The following MYO1E variants were observed in gnomAD, a reference collection of about 807,000 sequenced individuals.
MYO1E encodes the protein unconventional myosin-Ie.
In MYO1E, 68 loss-of-function variants were observed where a neutral mutation model predicts 151.1. That is an observed-to-expected ratio of 0.45 (90% CI 0.37 to 0.55). The LOEUF (loss-of-function observed/expected upper bound fraction) is 0.55, where lower values mean the gene tolerates loss of function less well. Ranked by LOEUF, MYO1E falls within the 20% of genes least tolerant of loss-of-function variation. The pLI is 0.00. For missense variants in MYO1E, 1,363 were observed against 1,389.3 expected (o/e 0.98, Z 0.30); for synonymous variants, 601 against 501.7 (o/e 1.20, Z -2.64).
At chr15:59,372,348 GCAGGAAATCAGAGCTCGCGACGT>G in intron 1 of MYO1E, 127 bp downstream of exon 1, 1 of 963,494 alleles carries the variant, frequency 1.0e-6, no homozygotes, top group Non-Finnish European at 1.6e-6. Context: ...ACGGAAAGCG[GCAGGAAATCAGAGCTCGCGACGT>G]GCCGGCTCCC....
intron 1 of MYO1E, among the ~76,000 whole-genome samples, chr15:59,356,275 T>G (rs1270860966): frequency 6.6e-6 from 1 of 152,026 alleles, no homozygotes; most frequent in African/African-American, 2.4e-5. Flanking sequence ...CTCCTCTCTG[T>G]CCTCACCATT....
chr15:59,248,359 G>A (rs901218044), intron 4 of MYO1E, among the ~76,000 whole-genome samples: 27 of 151,064 alleles, frequency 1.8e-4, no homozygotes, highest in Admixed American at 1.7e-3. Context: ...GGTGGTGGGC[G>A]CCTGTAGTCC....
intron 18 of MYO1E, among the ~76,000 whole-genome samples, chr15:59,186,162 A>C (rs1473344368): frequency 6.6e-6 from 1 of 152,170 alleles, no homozygotes; most frequent in East Asian, 1.9e-4. Flanking sequence ...AAAGAGGGTA[A>C]ACCTTGTTCC....
At chr15:59,337,117 C>T (rs1323327400) in intron 1 of MYO1E, among the ~76,000 whole-genome samples, 2 of 152,088 alleles carry the variant, frequency 1.3e-5, no homozygotes, top group Admixed American at 6.5e-5. Context: ...AGCACTTCTA[C>T]TTTATTTCAT....
intron 1 of MYO1E, among the ~76,000 whole-genome samples, chr15:59,315,533 C>T (rs1163358324): frequency 6.7e-6 from 1 of 149,192 alleles, no homozygotes; most frequent in Non-Finnish European, 1.5e-5. Context: ...TGCACATGTA[C>T]CCTAGAACTA....
chr15:59,308,241 AAAAAAAAAAAT>A (rs1456647057), intron 1 of MYO1E, among the ~76,000 whole-genome samples: 4 of 143,662 alleles, frequency 2.8e-5, no homozygotes, highest in Non-Finnish European at 3.1e-5. Flanking sequence ...AAAAAAAAAA[AAAAAAAAAAAT>A]AGGCTGGGCA....
chr15:59,133,574 G>C lies in MYO1E; in HGVS notation c.*3806C>G, dbSNP rs145189427. 6.6e-6 allele frequency: 1 copy of C among 152,262 alleles called. No homozygotes were observed. The highest frequency in any genetic ancestry group is 2.4e-5 in the African/African-American group (1 of 41,534). 9.4% of individuals were successfully genotyped at this position (152,262 alleles called of 1,614,324 possible). On this transcript the variant is annotated 3_prime_UTR_variant, in exon 28 of 28. Transcript: ENST00000288235. Reference sequence around the variant, plus strand: ...GAATAAAACCAAGTTACTAAATCCAGAAAGAACTGCAATCAATCAGCTAGG... The same window carrying C: ...GAATAAAACCAAGTTACTAAATCCACAAAGAACTGCAATCAATCAGCTAGG...
At chr15:59,259,727 T>C (rs1258956698) in intron 3 of MYO1E, among the ~76,000 whole-genome samples, 1 of 152,252 alleles carries the variant, frequency 6.6e-6, no homozygotes, top group Non-Finnish European at 1.5e-5. Context: ...CCTTTGCATG[T>C]CACTCTATAT....
chr15:59,221,317 CAT>C (rs2079954788), intron 9 of MYO1E, among the ~76,000 whole-genome samples: 1 of 151,960 alleles, frequency 6.6e-6, no homozygotes, highest in African/African-American at 2.4e-5. Flanking sequence ...GCCTAAGACA[CAT>C]GTTAAGTGAA....
intron 4 of MYO1E, among the ~76,000 whole-genome samples, chr15:59,240,883 C>T (rs2080095600): frequency 6.6e-6 from 1 of 152,216 alleles, no homozygotes; most frequent in African/African-American, 2.4e-5. Context: ...CCCCCTCTGC[C>T]CCAGTGTGTT....
At chr15:59,292,267 C>T (rs1439615551) in intron 1 of MYO1E, among the ~76,000 whole-genome samples, 1 of 152,168 alleles carries the variant, frequency 6.6e-6, no homozygotes, top group Non-Finnish European at 1.5e-5. Flanking sequence ...TTCAAACACA[C>T]CCAATGGGTG....
intron 24 of MYO1E, among the ~76,000 whole-genome samples, chr15:59,160,338 TG>T (rs1566967172): frequency 7.7e-5 from 2 of 25,958 alleles, no homozygotes; most frequent in African/African-American, 2.4e-4. Flanking sequence ...AGGTAGTGCG[TG>T]TGTGTGTGTG....
At chr15:59,207,066 G>A in intron 14 of MYO1E, 4 of 1,614,216 alleles carry the variant, frequency 2.5e-6, no homozygotes, top group Non-Finnish European at 3.4e-6. Flanking sequence ...ACGGCACCTG[G>A]CTCTTCACCC....
At chr15:59,335,656 G>A (rs1441076809) in intron 1 of MYO1E, among the ~76,000 whole-genome samples, 10 of 152,110 alleles carry the variant, frequency 6.6e-5, no homozygotes, top group African/African-American at 2.2e-4. Context: ...TGGAGGCCAC[G>A]ATGGACTTAC....
At chr15:59,201,670 C>T (rs1387301583) in intron 16 of MYO1E, among the ~76,000 whole-genome samples, 1 of 152,156 alleles carries the variant, frequency 6.6e-6, no homozygotes, top group African/African-American at 2.4e-5. Context: ...TCCCAAAGTG[C>T]TGGGATTACA....
At chr15:59,215,031 C>T (rs1321043351) in intron 10 of MYO1E, among the ~76,000 whole-genome samples, 6 of 152,172 alleles carry the variant, frequency 3.9e-5, no homozygotes, top group Admixed American at 1.3e-4. Flanking sequence ...AAAATGTCAT[C>T]TTGGATGATC....
At chr15:59,290,500 C>T (rs60872034) in intron 1 of MYO1E, among the ~76,000 whole-genome samples, 2,103 of 152,314 alleles carry the variant, frequency 0.014, 52 homozygotes, top group African/African-American at 0.049. Flanking sequence ...CTTTGGGCCT[C>T]TGCCTTGTCT....
chr15:59,304,274 C>T (rs1224913137), intron 1 of MYO1E, among the ~76,000 whole-genome samples: 1 of 152,170 alleles, frequency 6.6e-6, no homozygotes. Context: ...TGAGCCACTG[C>T]GGCCCGCCTA....
chr15:59,196,595 T>TA (rs2079767738), intron 16 of MYO1E, among the ~76,000 whole-genome samples: 3 of 152,220 alleles, frequency 2.0e-5, no homozygotes, highest in African/African-American at 7.2e-5. Flanking sequence ...AATTAGGACT[T>TA]TTCTGTTTTC....
Sources: gnomAD v4.1 joint callset for allele counts (sites outside exome capture counted in the v4.1 genomes callset) on GRCh38, gnomAD v4.1.1 for gene constraint, MANE v1.5 for transcripts, NCBI Gene and HGNC (gene_info 2026-07-23, HGNC 2026-07-21) for gene names.